The following DGLUCY variants were observed in gnomAD, a reference collection of about 807,000 sequenced individuals.
DGLUCY encodes D-glutamate cyclase.
A neutral mutation model predicts 58.5 loss-of-function variants in DGLUCY; 58 were observed. That is an observed-to-expected ratio of 0.99 (90% CI 0.80 to 1.23). The LOEUF is 1.23. Among genes scored for constraint, DGLUCY ranks in the 50% most tolerant of loss-of-function variants. The pLI is 0.00. For synonymous variants in DGLUCY, 325 were observed against 314.1 expected (o/e 1.03, Z -0.37); for missense variants, 779 against 784.7 (o/e 0.99, Z 0.09).
At position 91,215,542 on chromosome 14, in the gene DGLUCY, C is replaced by T. The variant is rs1375325202; in HGVS notation, c.1702C>T (p.Pro568Ser). The change falls in exon 13 of 14, where the codon CCG becomes TCG. Residue 568 changes from proline (P) to serine (S), a missense_variant. Pro to Ser is a moderately conservative substitution (Grantham distance 74, BLOSUM62 -1). Coordinates refer to ENST00000256324, the MANE Select transcript of DGLUCY (RefSeq NM_001102368.3). ...AGATCAGGCCTGGACTCAGGCCCTCCCGTCGGTCATTAAGGTAACAAACCC... is the reference window on the plus strand; with the variant it reads ...AGATCAGGCCTGGACTCAGGCCCTCTCGTCGGTCATTAAGGTAACAAACCC... ...PGDQAWTQALPSVIKEEKMLG... is the reference protein window; with the variant it reads ...PGDQAWTQALSSVIKEEKMLG... 2.5e-6 allele frequency: 4 copies of T among 1,613,790 alleles called. No individual in the cohort carries two copies. The highest frequency in any genetic ancestry group is 1.6e-4 in the Middle Eastern group (1 of 6,062).
chr14:91,182,802 G>A (rs2049266132), intron 8 of DGLUCY, among the ~76,000 whole-genome samples: 1 of 152,138 alleles, frequency 6.6e-6, no homozygotes, highest in African/African-American at 2.4e-5. Flanking sequence ...CGCATCTCAG[G>A]GGAAGGATAG....
At chr14:91,109,293 T>C (rs531389731), upstream of DGLUCY, among the ~76,000 whole-genome samples, 1 of 152,274 alleles carries the variant, frequency 6.6e-6, no homozygotes, top group East Asian at 1.9e-4. Flanking sequence ...ACAGGCACCA[T>C]GACTTTCCTC....
chr14:91,162,212 G>A (rs1446649681), intron 3 of DGLUCY, among the ~76,000 whole-genome samples: 1 of 152,198 alleles, frequency 6.6e-6, no homozygotes, highest in Non-Finnish European at 1.5e-5. Flanking sequence ...AAACAGCTGG[G>A]AAACTCCAGC....
At chr14:91,204,494 G>A (rs1431026399) in intron 11 of DGLUCY, among the ~76,000 whole-genome samples, 2 of 152,190 alleles carry the variant, frequency 1.3e-5, no homozygotes, top group Non-Finnish European at 2.9e-5. Flanking sequence ...TGCCCACACT[G>A]TAGTGTGTTC....
At chr14:91,105,453 C>T (rs148998798), upstream of DGLUCY, among the ~76,000 whole-genome samples, 4 of 152,280 alleles carry the variant, frequency 2.6e-5, no homozygotes, top group African/African-American at 9.6e-5. Context: ...GAACAAACCA[C>T]TAGCTGACCA....
At chr14:91,178,513 C>T (rs2048989138) in intron 7 of DGLUCY, among the ~76,000 whole-genome samples, 1 of 152,132 alleles carries the variant, frequency 6.6e-6, no homozygotes, top group African/African-American at 2.4e-5. Context: ...GTGCAACAGA[C>T]CTCACAACTG....
At chr14:91,141,449 A>G (rs542201491) in intron 1 of DGLUCY, among the ~76,000 whole-genome samples, 1 of 152,282 alleles carries the variant, frequency 6.6e-6, no homozygotes, top group Non-Finnish European at 1.5e-5. Flanking sequence ...TGCTAAACAA[A>G]TATTATTCCA....
intron 1 of DGLUCY, among the ~76,000 whole-genome samples, chr14:91,142,840 AACACACACACACACACACAC>A (rs558892923): frequency 4.0e-5 from 5 of 124,226 alleles, no homozygotes; most frequent in African/African-American, 1.2e-4. Flanking sequence ...ATCTCTACTA[AACACACACACACACACACAC>A]ACACACACAC....
At chr14:91,131,802 T>C (rs2046038815) in intron 1 of DGLUCY, among the ~76,000 whole-genome samples, 1 of 152,138 alleles carries the variant, frequency 6.6e-6, no homozygotes, top group Non-Finnish European at 1.5e-5. Flanking sequence ...TTTACTTTTA[T>C]TTATTTATTT....
intron 1 of DGLUCY, among the ~76,000 whole-genome samples, chr14:91,062,981 A>G (rs2043757934): frequency 6.6e-6 from 1 of 152,210 alleles, no homozygotes; most frequent in Non-Finnish European, 1.5e-5. Flanking sequence ...TTGCTCCTAT[A>G]GAGCCTACAG....
chr14:91,174,635 C>T lies in DGLUCY; in HGVS notation c.607+1196C>T, dbSNP rs545611477. Among the ~76,000 whole-genome samples, 3 of 152,280 alleles carry T rather than the reference C, an allele frequency of 2.0e-5. No homozygotes were observed. The East Asian group carries it at 5.8e-4, about 29-fold the overall frequency. On this transcript the variant is annotated intron_variant, in intron 6 of 13. Transcript: ENST00000256324. Reference sequence around the variant, plus strand: ...ATATTTTTTATGATAAACTGGTATACATAAGTAAATGTTTCCTCAAGGTCT... The same window carrying T: ...ATATTTTTTATGATAAACTGGTATATATAAGTAAATGTTTCCTCAAGGTCT...
intron 1 of DGLUCY, among the ~76,000 whole-genome samples, chr14:91,153,502 G>A (rs2140310774): frequency 6.6e-6 from 1 of 152,322 alleles, no homozygotes. Flanking sequence ...CATTTATTGG[G>A]CACCTCCCGT....
Position 91,199,843 on chromosome 14 carries a change from T to G in DGLUCY, c.1382T>G (p.Leu461Trp). 1.2e-6 allele frequency: 2 copies of G among 1,614,176 alleles called. No homozygotes were observed. Among genetic ancestry groups the G allele is most frequent in the Non-Finnish European group, 1.7e-6 (2 of 1,180,026 alleles). ...YNARKMNIKH[L>W]VDPIDDLFLA... Reference sequence around the variant, plus strand: ...GCAAGGAAGATGAACATCAAGCACTTGGTTGACCCCATTGACGATCTTTTT... The same window carrying G: ...GCAAGGAAGATGAACATCAAGCACTGGGTTGACCCCATTGACGATCTTTTT... The change falls in exon 11 of 14, where the codon TTG becomes TGG. Residue 461 changes from leucine (L) to tryptophan (W), a missense_variant. Transcript: ENST00000256324.
intron 6 of DGLUCY, among the ~76,000 whole-genome samples, chr14:91,174,295 TAATTA>T (rs1181423871): frequency 6.6e-6 from 1 of 152,168 alleles, no homozygotes; most frequent in Non-Finnish European, 1.5e-5. Flanking sequence ...TTATTTAATT[TAATTA>T]AATTAATTAA....
At chr14:91,073,903 G>A (rs899880628) in intron 1 of DGLUCY, among the ~76,000 whole-genome samples, 3 of 151,532 alleles carry the variant, frequency 2.0e-5, no homozygotes, top group Admixed American at 2.0e-4. Context: ...GGAGAATCGT[G>A]TGAGGCCAGG....
At chr14:91,080,255 G>A (rs528113139) in intron 1 of DGLUCY, among the ~76,000 whole-genome samples, 1 of 152,284 alleles carries the variant, frequency 6.6e-6, no homozygotes, top group African/African-American at 2.4e-5. Flanking sequence ...ATAAACACTG[G>A]TGTACAAGTA....
At chr14:91,163,347 G>A (rs912297000) in intron 3 of DGLUCY, among the ~76,000 whole-genome samples, 1 of 152,200 alleles carries the variant, frequency 6.6e-6, no homozygotes, top group African/African-American at 2.4e-5. Flanking sequence ...AGGCCTCTAA[G>A]CCAGCCAAAT....
intron 12 of DGLUCY, among the ~76,000 whole-genome samples, chr14:91,207,305 A>G (rs1252687614): frequency 6.6e-6 from 1 of 151,976 alleles, no homozygotes; most frequent in African/African-American, 2.4e-5. Flanking sequence ...AAAAGCTGCC[A>G]AAACTGAAAA....
chr14:91,062,660 T>G (rs1420413909), intron 1 of DGLUCY, among the ~76,000 whole-genome samples: 1 of 141,492 alleles, frequency 7.1e-6, no homozygotes, highest in African/African-American at 2.6e-5. Flanking sequence ...TGAGCCAGAT[T>G]TGGCCTACAG....
Sources: allele counts gnomAD v4.1 joint callset (sites outside exome capture counted in the v4.1 genomes callset), GRCh38; gene constraint gnomAD v4.1.1; transcripts MANE v1.5; gene names NCBI Gene and HGNC (gene_info 2026-07-23, HGNC 2026-07-21).